The following TMCC1 variants were observed in gnomAD, a reference collection of about 807,000 sequenced individuals.
TMCC1 encodes transmembrane and coiled-coil domain family 1, also known as transmembrane and coiled-coil domains protein 1.
TMCC1 carries 15 observed loss-of-function variants against 52.4 expected under a neutral mutation model. The ratio of observed to expected loss-of-function variants is 0.29; its 90% confidence interval spans 0.19 to 0.44. The LOEUF (loss-of-function observed/expected upper bound fraction) is 0.44. Among genes scored for constraint, TMCC1 ranks in the 20% least tolerant of loss-of-function variants. TMCC1 has a pLI of 1.00. For synonymous variants in TMCC1, 279 were observed against 301.9 expected, an observed-to-expected ratio of 0.92 and a Z score of 0.79; for missense variants, 503 against 806.0, an observed-to-expected ratio of 0.62 and a Z score of 4.55.
chr3:129,856,533 C>A (rs972649868), intron 2 of TMCC1, among the ~76,000 whole-genome samples: 3 of 152,080 alleles, frequency 2.0e-5, no homozygotes, highest in East Asian at 1.9e-4. Context: ...TATGAATCAA[C>A]GAATAATGCA....
intron 4 of TMCC1, among the ~76,000 whole-genome samples, chr3:129,708,382 A>G (rs1200254820): frequency 6.6e-6 from 1 of 152,206 alleles, no homozygotes; most frequent in Non-Finnish European, 1.5e-5. Flanking sequence ...ATTTAGATTA[A>G]AATCTAAGAT....
intron 2 of TMCC1, among the ~76,000 whole-genome samples, chr3:129,878,312 G>A (rs758682791): frequency 1.3e-5 from 2 of 152,130 alleles, no homozygotes; most frequent in Non-Finnish European, 2.9e-5. Context: ...CTAAAACTGA[G>A]CTTCTGTTAC....
intron 4 of TMCC1, among the ~76,000 whole-genome samples, chr3:129,753,006 G>A (rs2052673725): frequency 6.6e-6 from 1 of 152,132 alleles, no homozygotes; most frequent in Admixed American, 6.5e-5. Flanking sequence ...TGGATCTCAT[G>A]AGAACTCTAT....
At chr3:129,829,511 TAGAA>T (rs1288755226) in intron 3 of TMCC1, among the ~76,000 whole-genome samples, 66 of 145,762 alleles carry the variant, frequency 4.5e-4, no homozygotes, top group African/African-American at 1.6e-3. Context: ...TTTTTCCTAA[TAGAA>T]AGTGTTTATT....
At chr3:129,876,583 C>G (rs1343293925) in intron 2 of TMCC1, among the ~76,000 whole-genome samples, 1 of 151,326 alleles carries the variant, frequency 6.6e-6, no homozygotes, top group Non-Finnish European at 1.5e-5. Flanking sequence ...TGCTTGAAGC[C>G]AAGAGTTTGA....
chr3:129,848,874 G>A, intron 2 of TMCC1, among the ~76,000 whole-genome samples: 1 of 140,668 alleles, frequency 7.1e-6, no homozygotes. Flanking sequence ...CTACATCATT[G>A]AAACATTCTG....
At chr3:129,732,701 C>T (rs2050637511) in intron 4 of TMCC1, among the ~76,000 whole-genome samples, 1 of 152,048 alleles carries the variant, frequency 6.6e-6, no homozygotes, top group Admixed American at 6.6e-5. Context: ...GCAATTGAGA[C>T]TCATTCCACC....
Position 129,840,556 on chromosome 3 carries a change from T to C in TMCC1, c.-183-7730A>G, listed in dbSNP as rs1057070993. 2.6e-5 allele frequency among the ~76,000 whole-genome samples: 4 copies of C among 152,276 alleles called. 1 individual carries two copies. Among genetic ancestry groups the C allele is most frequent in the East Asian group, 1.9e-4 (1 of 5,190 alleles). On this transcript the variant is annotated intron_variant, in intron 2 of 6. Transcript: ENST00000393238. ...GTGATCTGGTTTGGCTCTGTGTCCC[T>C]ACCCAAATCTCATCTTGAATTGTAA...
rs375357455 is a variant in TMCC1, at chr3:129,667,195, G to A, written c.1511+3135C>T. Among the ~76,000 whole-genome samples the A allele has an allele frequency of 3.7e-5, 5 of 136,076 alleles. No individual in the cohort carries two copies. The East Asian group carries it at 8.7e-4, about 24-fold the overall frequency. 89.3% of individuals were successfully genotyped at this position (136,076 alleles called of 152,430 possible). A position where few individuals can be genotyped will look rare whatever the true frequency, so the allele number is the denominator to read the frequency against. On this transcript the variant is annotated intron_variant, in intron 5 of 6. Coordinates refer to ENST00000393238, the MANE Select transcript of TMCC1 (RefSeq NM_001017395.5). ...TACGATTACAGGCGTGAGCCACTGC[G>A]CCTGGCCAGCAAGACCCTGACTCTT...
At chr3:129,685,207 A>G (rs1452895461) in intron 4 of TMCC1, among the ~76,000 whole-genome samples, 2 of 151,992 alleles carry the variant, frequency 1.3e-5, no homozygotes, top group African/African-American at 4.8e-5. Context: ...CAGAAAGACC[A>G]TGTCTTTACA....
chr3:129,829,805 C>A (rs1346435124), intron 3 of TMCC1, among the ~76,000 whole-genome samples: 1 of 152,190 alleles, frequency 6.6e-6, no homozygotes, highest in Non-Finnish European at 1.5e-5. Flanking sequence ...TCCCTGTGAA[C>A]TCAAGGCTAC....
chr3:129,850,117 T>C (rs183710128), intron 2 of TMCC1, among the ~76,000 whole-genome samples: 6 of 152,286 alleles, frequency 3.9e-5, no homozygotes, highest in Admixed American at 3.3e-4. Context: ...GGAAGGATAC[T>C]ACCACCTCCA....
intron 4 of TMCC1, among the ~76,000 whole-genome samples, chr3:129,734,100 G>C (rs2050750248): frequency 6.6e-6 from 1 of 152,142 alleles, no homozygotes; most frequent in South Asian, 2.1e-4. Flanking sequence ...CCATATATTT[G>C]CATAAGAAGA....
intron 2 of TMCC1, among the ~76,000 whole-genome samples, chr3:129,877,112 TATCTGA>T (rs1295463502): frequency 6.6e-6 from 1 of 152,216 alleles, no homozygotes; most frequent in Non-Finnish European, 1.5e-5. Context: ...TACAGATTTT[TATCTGA>T]ATACCCAGTC....
intron 4 of TMCC1, among the ~76,000 whole-genome samples, chr3:129,815,435 A>C (rs892176838): frequency 2.6e-5 from 4 of 152,224 alleles, no homozygotes; most frequent in Non-Finnish European, 5.9e-5. Flanking sequence ...GAAAACCCAG[A>C]TATAAATCAA....
chr3:129,739,459 G>C (rs1428903777), intron 4 of TMCC1, among the ~76,000 whole-genome samples: 4 of 152,128 alleles, frequency 2.6e-5, no homozygotes, highest in African/African-American at 9.7e-5. Flanking sequence ...CACTGCGCCT[G>C]GCCCACAGAT....
intron 4 of TMCC1, among the ~76,000 whole-genome samples, chr3:129,736,846 T>A (rs1402132269): frequency 2.6e-5 from 4 of 151,996 alleles, no homozygotes; most frequent in African/African-American, 4.8e-5. Context: ...GAGTACCCTT[T>A]CTCTAACTTT....
At chr3:129,762,034 C>T (rs1322275274) in intron 4 of TMCC1, among the ~76,000 whole-genome samples, 1 of 132,962 alleles carries the variant, frequency 7.5e-6, no homozygotes, top group Non-Finnish European at 1.6e-5. Context: ...GATTAGATTT[C>T]TAACTTTTTT....
chr3:129,772,283 G>C (rs991998560), intron 4 of TMCC1, among the ~76,000 whole-genome samples: 1 of 152,180 alleles, frequency 6.6e-6, no homozygotes, highest in African/African-American at 2.4e-5. Flanking sequence ...GGAGGCTGAA[G>C]TGAGTCGAGG....
Sources: gnomAD v4.1 joint callset for allele counts (sites outside exome capture counted in the v4.1 genomes callset) on GRCh38, gnomAD v4.1.1 for gene constraint, MANE v1.5 for transcripts, NCBI Gene and HGNC (gene_info 2026-07-23, HGNC 2026-07-21) for gene names.